The following ROBO2 variants were observed in gnomAD, a reference collection of about 807,000 sequenced individuals.
The protein encoded by ROBO2 is roundabout guidance receptor 2.
A neutral mutation model predicts 160.8 loss-of-function variants in ROBO2; 53 were observed. The observed-to-expected ratio is 0.33, with a 90% CI of 0.26 to 0.41. ROBO2 has a LOEUF of 0.41. Ranked by LOEUF, ROBO2 falls within the 10% of genes least tolerant of loss-of-function variation. The pLI is 1.00. For missense variants in ROBO2, 1,577 were observed against 1,722.4 expected (o/e 0.92, Z 1.49); for synonymous variants, 664 against 611.7 (o/e 1.09, Z -1.26).
At chr3:76,160,424 T>C (rs2072575988) in intron 2 of ROBO2, among the ~76,000 whole-genome samples, 1 of 149,290 alleles carries the variant, frequency 6.7e-6, no homozygotes, top group Non-Finnish European at 1.5e-5. Context: ...TTGAGATTTC[T>C]ATGATGTTGG....
intron 2 of ROBO2, among the ~76,000 whole-genome samples, chr3:76,185,674 T>C (rs1701728748): frequency 6.6e-6 from 1 of 151,948 alleles, no homozygotes; most frequent in African/African-American, 2.4e-5. Flanking sequence ...TTACAATTCA[T>C]AACATAACAT....
At chr3:77,047,466 CCT>C (rs1205457184) in intron 1 of ROBO2, among the ~76,000 whole-genome samples, 4 of 149,630 alleles carry the variant, frequency 2.7e-5, no homozygotes, top group South Asian at 2.1e-4. Flanking sequence ...GTGTGGATCA[CCT>C]GAGGTCAGGA....
chr3:76,736,218 C>A (rs1696643924), intron 2 of ROBO2, among the ~76,000 whole-genome samples: 1 of 151,246 alleles, frequency 6.6e-6, no homozygotes, highest in African/African-American at 2.4e-5. Context: ...GGAGGCGGAG[C>A]TTGCAGTGAG....
intron 16 of ROBO2, among the ~76,000 whole-genome samples, chr3:77,587,198 C>G (rs774871777): frequency 5.3e-5 from 8 of 152,098 alleles, no homozygotes; most frequent in Non-Finnish European, 5.9e-5. Flanking sequence ...CATCCTCCAA[C>G]AGATCCCCTG....
rs535252372 is a variant in ROBO2 at position 76,935,071 on chromosome 3, C to CCTCCTGA, written c.110-162942_110-162936dup. Among the ~76,000 whole-genome samples the CCTCCTGA allele has an allele frequency of 2.0e-5, 3 of 151,980 alleles. No individual in the cohort carries two copies. The South Asian group carries it at 6.2e-4, about 31-fold the overall frequency. On this transcript the variant is annotated intron_variant, in intron 2 of 26. Coordinates refer to the ROBO2 transcript ENST00000487694. ...GGCTCAGGCGATCCTCCCACCTCAGCCTCCTGAGTAACTAGGACTATAGGC... is the reference window on the plus strand; with the variant it reads ...GGCTCAGGCGATCCTCCCACCTCAGCCTCCTGACTCCTGAGTAACTAGGACTATAGGC...
rs770950432 is a variant in ROBO2, at chr3:77,574,603, G to A, written c.2076G>A (p.Pro692=). The change falls in exon 14 of 26, where the codon CCG becomes CCA. Residue 692 remains proline (P), a synonymous_variant. Coordinates refer to ENST00000461745, the Ensembl canonical transcript of ROBO2. The stretch of plus-strand genomic sequence containing the variant: ...GGCAGAATTTAGATGCCAAAGTCCC[G>A]ACTGAACGAAGTGCTGTCTTAGTCA... 20 of 1,613,382 alleles carry A rather than the reference G, an allele frequency of 1.2e-5. No individual in the cohort carries two copies. In the South Asian group the frequency reaches 1.8e-4, roughly 14 times the overall value.
At chr3:76,866,890 G>T (rs1400511336) in intron 2 of ROBO2, among the ~76,000 whole-genome samples, 3 of 152,030 alleles carry the variant, frequency 2.0e-5, no homozygotes, top group Non-Finnish European at 4.4e-5. Context: ...AGTCCCCTGG[G>T]ATTTTCTCAA....
At chr3:75,951,834 A>T (rs185885264) in intron 2 of ROBO2, among the ~76,000 whole-genome samples, 11 of 152,124 alleles carry the variant, frequency 7.2e-5, no homozygotes, top group Admixed American at 7.2e-4. Flanking sequence ...TTTTTGAACA[A>T]ATTTTTATCT....
In ROBO2 at chr3:76,389,167, A is replaced by G. The variant is rs142752138; in HGVS notation, c.109+451565A>G. ...TTTTGGGTATGCAGGTCAGTGCATA[A>G]TATGCATTGTAAACTGGTAATGAAA... On this transcript the variant is annotated intron_variant, in intron 2 of 26. Coordinates refer to the ROBO2 transcript ENST00000487694. 3.2e-3 allele frequency among the ~76,000 whole-genome samples: 480 copies of G among 152,338 alleles called. 7 individuals carry two copies. The highest frequency in any genetic ancestry group is 0.029 in the South Asian group (139 of 4,826).
intron 2 of ROBO2, among the ~76,000 whole-genome samples, chr3:76,288,874 A>G (rs1296855715): frequency 6.6e-6 from 1 of 152,054 alleles, no homozygotes; most frequent in Non-Finnish European, 1.5e-5. Context: ...ACCATATAAT[A>G]TTTTTTTAAT....
At chr3:76,554,814 G>T (rs999795060) in intron 2 of ROBO2, among the ~76,000 whole-genome samples, 1 of 152,098 alleles carries the variant, frequency 6.6e-6, no homozygotes, top group Non-Finnish European at 1.5e-5. Flanking sequence ...CTCAGAGGCT[G>T]CTCCGAATGG....
chr3:76,361,158 T>C (rs1240798962), intron 2 of ROBO2, among the ~76,000 whole-genome samples: 4 of 151,958 alleles, frequency 2.6e-5, no homozygotes, highest in Non-Finnish European at 4.4e-5. Flanking sequence ...AAAGTAAAAA[T>C]AGAACAGTCT....
At chr3:77,528,733 A>T (rs1352061824) in intron 6 of ROBO2, among the ~76,000 whole-genome samples, 1 of 151,530 alleles carries the variant, frequency 6.6e-6, no homozygotes, top group African/African-American at 2.4e-5. Flanking sequence ...CTAGTTTCTG[A>T]GGCATGACTT....
chr3:77,058,029 C>T (rs146177406), intron 1 of ROBO2, among the ~76,000 whole-genome samples: 1 of 151,764 alleles, frequency 6.6e-6, no homozygotes, highest in African/African-American at 2.4e-5. Flanking sequence ...TTTGATTGAA[C>T]GTTAATGTTA....
At chr3:76,480,428 T>G (rs2079148451) in intron 2 of ROBO2, among the ~76,000 whole-genome samples, 1 of 152,152 alleles carries the variant, frequency 6.6e-6, no homozygotes, top group Non-Finnish European at 1.5e-5. Flanking sequence ...CTGTCATATA[T>G]TTACCTAAAA....
At chr3:76,483,573 G>A (rs1041225157) in intron 2 of ROBO2, among the ~76,000 whole-genome samples, 7 of 152,098 alleles carry the variant, frequency 4.6e-5, no homozygotes, top group Non-Finnish European at 1.0e-4. Context: ...GAATGTTAAA[G>A]TCTACATCAC....
chr3:77,006,601 G>T (rs2061593816), intron 2 of ROBO2, among the ~76,000 whole-genome samples: 1 of 151,990 alleles, frequency 6.6e-6, no homozygotes, highest in South Asian at 2.1e-4. Context: ...TCTATGGAAT[G>T]ATGTCTAGGA....
intron 2 of ROBO2, among the ~76,000 whole-genome samples, chr3:76,748,300 A>G (rs1328320270): frequency 2.6e-5 from 4 of 151,662 alleles, no homozygotes; most frequent in African/African-American, 9.7e-5. Flanking sequence ...TTGTATAAAA[A>G]TAAAGAAATC....
chr3:76,528,905 A>G (rs2108017168), intron 2 of ROBO2, among the ~76,000 whole-genome samples: 1 of 152,248 alleles, frequency 6.6e-6, no homozygotes. Context: ...AAACGAAAAA[A>G]GCATTTCAAG....
Sources: gnomAD v4.1 joint callset for allele counts (sites outside exome capture counted in the v4.1 genomes callset) on GRCh38, gnomAD v4.1.1 for gene constraint, MANE v1.5 for transcripts, NCBI Gene and HGNC (gene_info 2026-07-23, HGNC 2026-07-21) for gene names.